C9orf85: variants seen among roughly 807,000 people sequenced by gnomAD.
C9orf85 encodes the protein uncharacterized protein C9orf85.
In C9orf85, 16 loss-of-function variants were observed where a neutral mutation model predicts 14.9. The ratio of observed to expected loss-of-function variants is 1.08; its 90% CI spans 0.73 to 1.63. The LOEUF is 1.63. C9orf85 is among the 40% of genes most tolerant of loss of function. The pLI, the probability that C9orf85 is intolerant of heterozygous loss-of-function variation, is 0.00. For synonymous variants in C9orf85, 45 were observed against 56.8 expected, an observed-to-expected ratio of 0.79 and a Z score of 0.93; for missense variants, 172 against 186.1, an observed-to-expected ratio of 0.92 and a Z score of 0.44.
Position 71,911,812 on chromosome 9 carries a change from G to A in C9orf85, c.78G>A (p.Lys26=). ...HQNTFSFKND[K]FDKSVQTKKI... ...ATACGTTTAGCTTCAAAAATGACAA[G>A]TTCGATAAAAGTGTGCAGACCAAGG... Residue 26 remains lysine, a synonymous_variant, in exon 1 of 4, where the codon AAG becomes AAA. Coordinates refer to ENST00000334731, the MANE Select transcript of C9orf85 (RefSeq NM_182505.5). 2 of 1,614,136 alleles carry A rather than the reference G, an allele frequency of 1.2e-6. No individual in the cohort carries two copies. Among genetic ancestry groups the A allele is most frequent in the South Asian group, 1.1e-5 (1 of 91,082 alleles).
intron 1 of C9orf85, among the ~76,000 whole-genome samples, chr9:71,925,936 C>T (rs1827921368): frequency 1.3e-5 from 2 of 152,014 alleles, no homozygotes; most frequent in Non-Finnish European, 2.9e-5. Context: ...AGAATAATGC[C>T]AAGATAGAAG....
At chr9:71,953,283 TTCA>T (rs1433310679) in intron 2 of C9orf85, among the ~76,000 whole-genome samples, 1 of 152,158 alleles carries the variant, frequency 6.6e-6, no homozygotes, top group Non-Finnish European at 1.5e-5. Flanking sequence ...TTTCAAACTT[TTCA>T]GCTGTCAAAT....
chr9:71,921,395 G>A (rs1827800454), intron 1 of C9orf85, among the ~76,000 whole-genome samples: 1 of 152,206 alleles, frequency 6.6e-6, no homozygotes, highest in South Asian at 2.1e-4. Flanking sequence ...TCTTTATGCT[G>A]TATTCAATTG....
chr9:71,962,514 A>G (rs764998891), intron 2 of C9orf85, among the ~76,000 whole-genome samples: 11 of 152,218 alleles, frequency 7.2e-5, no homozygotes, highest in South Asian at 2.1e-4. Flanking sequence ...ACTGTTTACA[A>G]AAGTACCTCG....
At chr9:71,948,666 T>C (rs1822163571) in intron 2 of C9orf85, among the ~76,000 whole-genome samples, 2 of 152,056 alleles carry the variant, frequency 1.3e-5, no homozygotes, top group South Asian at 4.1e-4. Flanking sequence ...GGACTACAGG[T>C]ACATACCACC....
chr9:71,924,994 A>G (rs538367381), intron 1 of C9orf85, among the ~76,000 whole-genome samples: 8 of 152,360 alleles, frequency 5.3e-5, no homozygotes, highest in South Asian at 2.1e-4. Context: ...AAACGCACCA[A>G]TACAGAACAA....
At chr9:71,943,265 T>C (rs1216718250) in intron 1 of C9orf85, among the ~76,000 whole-genome samples, 1 of 151,466 alleles carries the variant, frequency 6.6e-6, no homozygotes, top group African/African-American at 2.4e-5. Context: ...TTTTGTTTGT[T>C]TTTTGTTTTC....
chr9:71,938,425 G>C (rs565098359), intron 1 of C9orf85, among the ~76,000 whole-genome samples: 1 of 151,894 alleles, frequency 6.6e-6, no homozygotes, highest in East Asian at 1.9e-4. Context: ...ATATAAGTCA[G>C]TTGAGTTGAG....
chr9:71,940,785 C>T (rs1244250863), intron 1 of C9orf85, among the ~76,000 whole-genome samples: 14 of 152,100 alleles, frequency 9.2e-5, no homozygotes, highest in Non-Finnish European at 1.9e-4. Flanking sequence ...TATTTATTAG[C>T]ACTCCAAACT....
At chr9:71,955,039 G>T (rs1212301149) in intron 2 of C9orf85, among the ~76,000 whole-genome samples, 1 of 152,046 alleles carries the variant, frequency 6.6e-6, no homozygotes, top group Middle Eastern at 3.2e-3. Flanking sequence ...TTTTTAAAGG[G>T]AAGAATTTCT....
intron 1 of C9orf85, among the ~76,000 whole-genome samples, chr9:71,928,797 A>T (rs1212538790): frequency 6.6e-6 from 1 of 152,234 alleles, no homozygotes; most frequent in Non-Finnish European, 1.5e-5. Context: ...TGGAAATAAA[A>T]GGTAGTATTT....
chr9:71,978,392 G>T (rs1823041458), downstream of C9orf85, among the ~76,000 whole-genome samples: 1 of 152,192 alleles, frequency 6.6e-6, no homozygotes, highest in South Asian at 2.1e-4. Context: ...TTACAGGCAT[G>T]AGCCACTGCG....
At chr9:71,918,341 A>G (rs1054616958) in intron 1 of C9orf85, 8 of 737,086 alleles carry the variant, frequency 1.1e-5, no homozygotes, top group South Asian at 1.6e-5. Flanking sequence ...AAAACAAGTT[A>G]ACATTCTAAC....
At chr9:71,961,376 A>AT (rs1194891311) in intron 2 of C9orf85, among the ~76,000 whole-genome samples, 1 of 151,990 alleles carries the variant, frequency 6.6e-6, no homozygotes. Flanking sequence ...CCTGGCCAAC[A>AT]TAAGTGAAAC....
chr9:71,911,842 A>T lies in C9orf85; in HGVS notation c.102+6A>T, dbSNP rs201694072. 2.7e-3 allele frequency: 4,279 copies of T among 1,612,854 alleles called. 127 individuals are homozygous for T. In the South Asian group the frequency reaches 0.044, roughly 17 times the overall value. On this transcript the variant is annotated splice_donor_region_variant and intron_variant, in intron 1 of 3. Coordinates refer to ENST00000334731, the MANE Select transcript of C9orf85 (RefSeq NM_182505.5). ...ATAAAAGTGTGCAGACCAAGGTAGG[A>T]ACCTGCCTGTTGCACCGTCTTTGAC...
chr9:71,972,558 T>G, intron 3 of C9orf85, 134 bp from the exon 4 acceptor site: 1 of 535,374 alleles, frequency 1.9e-6, no homozygotes, highest in Non-Finnish European at 3.0e-6. Context: ...CACTCCCAGG[T>G]GGATCTTTTT....
chr9:71,967,680 A>C, intron 2 of C9orf85, among the ~76,000 whole-genome samples: 1 of 14,794 alleles, frequency 6.8e-5, no homozygotes, highest in Admixed American at 1.3e-3. Flanking sequence ...AAATAAAGAC[A>C]CTTATTTCTT....
chr9:71,958,229 T>C (rs1299824748), intron 2 of C9orf85, among the ~76,000 whole-genome samples: 2 of 140,652 alleles, frequency 1.4e-5, no homozygotes, highest in African/African-American at 5.2e-5. Flanking sequence ...TATATATATA[T>C]ATTATATATA....
At chr9:71,971,292 G>A (rs1318407162) in intron 2 of C9orf85, among the ~76,000 whole-genome samples, 1 of 152,010 alleles carries the variant, frequency 6.6e-6, no homozygotes, top group Non-Finnish European at 1.5e-5. Flanking sequence ...TTTTAAGAGT[G>A]GATAAATATC....
Sources: gnomAD v4.1 joint callset for allele counts (sites outside exome capture counted in the v4.1 genomes callset) on GRCh38, gnomAD v4.1.1 for gene constraint, MANE v1.5 for transcripts, NCBI Gene and HGNC (gene_info 2026-07-23, HGNC 2026-07-21) for gene names.